Variants in ELP1 observed in about 807,000 individuals in gnomAD.
The protein encoded by ELP1 is elongator complex protein 1.
Under a neutral mutation model 183.2 loss-of-function variants are expected in ELP1, and 131 were observed. The ratio of observed to expected loss-of-function variants is 0.72; its 90% confidence interval spans 0.62 to 0.83. The LOEUF (loss-of-function observed/expected upper bound fraction) is 0.83, where lower values mean the gene tolerates loss of function less well. Ranked by LOEUF, ELP1 falls within the 40% of genes least tolerant of loss-of-function variation. The pLI is 0.00. For missense variants in ELP1, 1,550 were observed against 1,594.9 expected (o/e 0.97, Z 0.48); for synonymous variants, 555 against 569.0 (o/e 0.98, Z 0.35).
At chr9:108,915,668 C>G (rs1393322500) in intron 10 of ELP1, among the ~76,000 whole-genome samples, 1 of 151,086 alleles carries the variant, frequency 6.6e-6, no homozygotes, top group Non-Finnish European at 1.5e-5. Context: ...TCCCGCCCCA[C>G]CCTATTCCCT....
chr9:108,889,479 T>C (rs781665785), intron 28 of ELP1, 86 bp from the exon 29 acceptor site: 187 of 1,189,166 alleles, frequency 1.6e-4, no homozygotes, highest in Non-Finnish European at 1.7e-4. Flanking sequence ...TTATTATGTA[T>C]GAAACTATGT....
intron 30 of ELP1, 21 bp downstream of exon 30, chr9:108,882,104 G>C (rs1339123979): frequency 1.2e-6 from 2 of 1,607,452 alleles, no homozygotes; most frequent in South Asian, 1.1e-5. Context: ...CCAACATCCA[G>C]AGGATTTACA....
rs146862578 is a variant in ELP1, at chr9:108,880,295, C to T, written c.3347-130G>A. The stretch of plus-strand genomic sequence containing the variant: ...GAGGTTACTAGGTTTTCCAAGCGAG[C>T]TCTTTTTCCTTAATAAGCATTAACA... On this transcript the variant is annotated intron_variant, in intron 31 of 36. Transcript: ENST00000374647. 232 of 690,552 alleles carry T rather than the reference C, an allele frequency of 3.4e-4. 1 individual carries two copies. Among genetic ancestry groups the T allele is most frequent in the East Asian group, 1.0e-3 (37 of 36,574 alleles). The allele number at this position is 690,552 out of a possible 1,614,324, so 42.8% of individuals were successfully genotyped here.
chr9:108,885,376 A>C (rs532651133), intron 29 of ELP1, among the ~76,000 whole-genome samples: 1 of 152,308 alleles, frequency 6.6e-6, no homozygotes, highest in South Asian at 2.1e-4. Context: ...AGAATACTAT[A>C]AACACTTCAT....
rs543689198 is a variant in ELP1 at position 108,880,630 on chromosome 9, C to A, written c.3347-465G>T. The stretch of plus-strand genomic sequence containing the variant: ...GGAAAAATACACAAGAGAAAAATAA[C>A]ACTAGTAGAATACATTTTAAAAAAG... On this transcript the variant is annotated intron_variant, in intron 31 of 36. Coordinates refer to ENST00000374647, the MANE Select transcript of ELP1 (RefSeq NM_003640.5). Among the ~76,000 whole-genome samples the A allele has an allele frequency of 6.9e-4, 105 of 152,172 alleles. 3 individuals carry two copies. The South Asian group carries it at 0.021, about 31-fold the overall frequency.
intron 25 of ELP1, among the ~76,000 whole-genome samples, 173 bp from the exon 26 acceptor site, chr9:108,894,239 C>A (rs1828454344): frequency 1.3e-5 from 2 of 152,168 alleles, no homozygotes; most frequent in African/African-American, 4.8e-5. Context: ...CCCCCAGTAT[C>A]TATGGGGAAT....
Position 108,900,255 on chromosome 9 carries a change from C to A in ELP1, c.2130+5G>T. ...CTATCTATCTTGTCTGAAAAACCAG[C>A]TTACCTGTAATACAAGCTTTGTGTC... On this transcript the variant is annotated splice_donor_5th_base_variant and intron_variant, in intron 19 of 36. Coordinates refer to ENST00000374647, the MANE Select transcript of ELP1 (RefSeq NM_003640.5). 1 of 1,601,820 alleles carries A rather than the reference C, an allele frequency of 6.2e-7. No individual in the cohort carries two copies. The highest frequency in any genetic ancestry group is 1.1e-5 in the South Asian group (1 of 90,868).
intron 14 of ELP1, among the ~76,000 whole-genome samples, chr9:108,904,951 A>C (rs1828962625): frequency 6.6e-6 from 1 of 152,234 alleles, no homozygotes; most frequent in Non-Finnish European, 1.5e-5. Context: ...CTTTACAGCA[A>C]ATGAGATGAC....
At chr9:108,922,744 T>C in intron 6 of ELP1, 98 bp downstream of exon 6, 2 of 850,924 alleles carry the variant, frequency 2.4e-6, no homozygotes, top group Non-Finnish European at 4.1e-6. Flanking sequence ...AGAGAACTGT[T>C]CATTACTGGC....
At chr9:108,900,237 T>C (rs1301623146) in intron 19 of ELP1, 23 bp downstream of exon 19, 2 of 1,472,538 alleles carry the variant, frequency 1.4e-6, no homozygotes, top group African/African-American at 1.4e-5. Flanking sequence ...AGACTATCTA[T>C]CTTGTCTGAA....
In ELP1 at chr9:108,898,485, T is replaced by A; in HGVS notation, c.2363+17A>T. ...AAACTATGGAAAAGATACACATGAA[T>A]TATTCAAAATACTTACTTCAATTCT... On this transcript the variant is annotated intron_variant, in intron 22 of 36. Transcript: ENST00000374647. 1 of 1,384,670 alleles carries A rather than the reference T, an allele frequency of 7.2e-7. No homozygotes were observed. Among genetic ancestry groups the A allele is most frequent in the Non-Finnish European group, 1.0e-6 (1 of 978,144 alleles). The allele number at this position is 1,384,670 out of a possible 1,614,324, so 85.8% of individuals were successfully genotyped here.
intron 10 of ELP1, among the ~76,000 whole-genome samples, chr9:108,914,421 G>A (rs1031055405): frequency 2.9e-5 from 4 of 139,306 alleles, no homozygotes; most frequent in Non-Finnish European, 4.7e-5. Flanking sequence ...AAAGGGGGGG[G>A]GGGTTCTACT....
At position 108,900,261 on chromosome 9, in the gene ELP1, T is replaced by C. The variant is rs1275065654; in HGVS notation, c.2129A>G (p.Gln710Arg). 1 of 1,608,750 alleles carries C rather than the reference T, an allele frequency of 6.2e-7. No homozygotes were observed. The highest frequency in any genetic ancestry group is 1.1e-5 in the South Asian group (1 of 90,998). The change falls in exon 19 of 37, where the codon CAG becomes CGG. Residue 710 changes from glutamine to arginine, a missense_variant and splice_region_variant. By Grantham distance (43) the Gln-to-Arg change is conservative. Transcript: ENST00000374647. ...ATCTTGTCTGAAAAACCAGCTTACCTGTAATACAAGCTTTGTGTCCTGGGG... is the reference window on the plus strand; with the variant it reads ...ATCTTGTCTGAAAAACCAGCTTACCCGTAATACAAGCTTTGTGTCCTGGGG... Reference protein sequence around the residue: ...VVPQDTKLVLQMPRGNLEVVH... With the variant: ...VVPQDTKLVLRMPRGNLEVVH...
chr9:108,926,752 CAAT>C lies in ELP1; in HGVS notation c.386-152_386-150del, dbSNP rs1023115416. 1.1e-4 allele frequency: 71 copies of C among 674,992 alleles called. 1 individual carries two copies. The highest frequency in any genetic ancestry group is 7.4e-4 in the African/African-American group (41 of 55,180). 41.8% of individuals were successfully genotyped at this position (674,992 alleles called of 1,614,324 possible). A position where few individuals can be genotyped will look rare whatever the true frequency, so the allele number is the denominator to read the frequency against. On this transcript the variant is annotated intron_variant, in intron 4 of 36. Coordinates refer to ENST00000374647, the MANE Select transcript of ELP1 (RefSeq NM_003640.5). ...AAAATGCTTTGACTTAAAAAAACAA[CAAT>C]GACAAAAAACCCCAAAAAGCTTTCC...
At chr9:108,929,679 T>C in intron 3 of ELP1, 90 bp downstream of exon 3, 1 of 1,314,436 alleles carries the variant, frequency 7.6e-7, no homozygotes, top group East Asian at 2.3e-5. Context: ...GTGTAACTAT[T>C]ATGGCTACTG....
In ELP1 at chr9:108,893,037, G is replaced by C; in HGVS notation, c.2907C>G (p.Asn969Lys). Reference protein sequence around the residue: ...PECLNLIKDKNLYNEALKLYS... With the variant: ...PECLNLIKDKKLYNEALKLYS... ...ATAACTTCAGAGCTTCGTTATACAA[G>C]TTTTTATCTTTTATCAAGTTTAAGC... The change falls in exon 27 of 37, where the codon AAC becomes AAG. Residue 969 changes from asparagine to lysine, a missense_variant. By Grantham distance (94) the Asn-to-Lys change is moderately conservative. Coordinates refer to ENST00000374647, the MANE Select transcript of ELP1 (RefSeq NM_003640.5). The C allele has an allele frequency of 1.2e-6, 2 of 1,613,926 alleles. No individual in the cohort carries two copies. Among genetic ancestry groups the C allele is most frequent in the Non-Finnish European group, 1.7e-6 (2 of 1,179,854 alleles).
intron 32 of ELP1, 46 bp from the exon 33 acceptor site, chr9:108,879,603 G>C (rs1428427808): frequency 7.3e-7 from 1 of 1,369,634 alleles, no homozygotes; most frequent in Non-Finnish European, 1.0e-6. Flanking sequence ...GCCTGCTAAT[G>C]TGTGGGTTTA....
At chr9:108,906,828 C>A (rs1186748002) in intron 13 of ELP1, among the ~76,000 whole-genome samples, 3 of 152,172 alleles carry the variant, frequency 2.0e-5, no homozygotes. Flanking sequence ...GCATTCAAAC[C>A]AGGCTCTGGC....
intron 36 of ELP1, among the ~76,000 whole-genome samples, chr9:108,871,109 T>G (rs149094134): frequency 2.1e-4 from 32 of 152,184 alleles, no homozygotes; most frequent in Admixed American, 3.3e-4. Context: ...CTGGGCTTGA[T>G]GGCTTTCACA....
Sources: allele counts gnomAD v4.1 joint callset (sites outside exome capture counted in the v4.1 genomes callset), GRCh38; gene constraint gnomAD v4.1.1; transcripts MANE v1.5; gene names NCBI Gene and HGNC (gene_info 2026-07-23, HGNC 2026-07-21).